The following AHCTF1 variants were observed in gnomAD, a reference collection of about 807,000 sequenced individuals.
AHCTF1 encodes the protein AT-hook containing transcription factor 1, also known as protein ELYS.
In AHCTF1, 24 loss-of-function variants were observed where a neutral mutation model predicts 248.4. That is an observed-to-expected ratio of 0.10 (90% CI 0.07 to 0.14). The LOEUF is 0.14. AHCTF1 is among the 10% of genes least tolerant of loss of function. The probability of loss-of-function intolerance (pLI) is 1.00; values close to 1 mark genes in which losing one functional copy is unlikely to be tolerated. For missense variants in AHCTF1, 2,206 were observed against 2,636.2 expected, an observed-to-expected ratio of 0.84 and a Z score of 3.57; for synonymous variants, 786 against 929.8, an observed-to-expected ratio of 0.85 and a Z score of 2.81.
chr1:246,861,324 A>C, intron 28 of AHCTF1, 29 bp from the exon 29 acceptor site: 3 of 1,557,196 alleles, frequency 1.9e-6, no homozygotes, highest in Non-Finnish European at 2.6e-6. Context: ...AAAAGAAAAA[A>C]ATTAGTAAAT....
intron 12 of AHCTF1, among the ~76,000 whole-genome samples, chr1:246,897,392 T>C (rs1664658615): frequency 1.3e-5 from 2 of 152,184 alleles, no homozygotes; most frequent in Admixed American, 6.5e-5. Context: ...TTGAAAGTTA[T>C]GTAGATATCA....
Position 246,905,637 on chromosome 1 carries a change from C to G in AHCTF1, c.785G>C (p.Ser262Thr), listed in dbSNP as rs1015121343. 6.2e-7 allele frequency: 1 copy of G among 1,612,614 alleles called. No individual in the cohort carries two copies. Among genetic ancestry groups the G allele is most frequent in the Non-Finnish European group, 8.5e-7 (1 of 1,179,058 alleles). Reference protein sequence around the residue: ...MKREYYIQLESGQVPVYAVTF... With the variant: ...MKREYYIQLETGQVPVYAVTF... ...GACAGCATATACAGGAACTTGTCCA[C>G]TTTCCAATTGTATGTAATATCTGAA... The change falls in exon 6 of 36, where the codon AGT becomes ACT. Residue 262 changes from serine to threonine, a missense_variant. Coordinates refer to ENST00000648844, the MANE Select transcript of AHCTF1 (RefSeq NM_001323342.2).
rs1334876995 is a variant in AHCTF1 at position 246,850,629 on chromosome 1, C to T, written c.5377G>A (p.Val1793Ile). 2.5e-6 allele frequency: 4 copies of T among 1,613,698 alleles called. No individual in the cohort carries two copies. Among genetic ancestry groups the T allele is most frequent in the Non-Finnish European group, 3.4e-6 (4 of 1,179,832 alleles). The stretch of plus-strand genomic sequence containing the variant: ...TGCTGGTTCTGAGATAGTCCTCTGA[C>T]ATCAGAATAGATGTTTTCAGAAGCT... ...SEASENIYSD[V>I]RGLSQNQQIP... is the part of the protein sequence containing the mutation. The change falls in exon 33 of 36, where the codon GTC becomes ATC. Residue 1793 changes from valine (V) to isoleucine (I), a missense_variant. Val to Ile is a conservative substitution (Grantham distance 29). This residue lies in a region of AHCTF1 where 955 missense variants were observed against 1,055.6 expected (regional missense o/e 0.90). Transcript: ENST00000648844.
At chr1:246,927,448 C>T (rs1281959915) in intron 1 of AHCTF1, among the ~76,000 whole-genome samples, 1 of 152,168 alleles carries the variant, frequency 6.6e-6, no homozygotes, top group Non-Finnish European at 1.5e-5. Flanking sequence ...GAGATGGTGC[C>T]ACTACACTCC....
At chr1:246,931,518 CA>C in intron 1 of AHCTF1, 59 bp downstream of exon 1, 1 of 411,434 alleles carries the variant, frequency 2.4e-6, no homozygotes, top group Non-Finnish European at 3.3e-6. Flanking sequence ...GCCGCGGGTC[CA>C]GGCCGCGCGA....
At chr1:246,894,769 G>A (rs1435885856) in intron 13 of AHCTF1, 21 bp from the exon 14 acceptor site, 6 of 1,592,188 alleles carry the variant, frequency 3.8e-6, no homozygotes, top group Non-Finnish European at 5.2e-6. Context: ...AATACAAAAG[G>A]GAAAAAATAA....
chr1:246,853,663 C>T (rs1452549023), intron 31 of AHCTF1, among the ~76,000 whole-genome samples: 2 of 149,520 alleles, frequency 1.3e-5, no homozygotes, highest in Admixed American at 1.3e-4. Context: ...ACATGAGGAA[C>T]ATGCAATCTG....
chr1:246,897,468 A>T (rs575874515), intron 12 of AHCTF1, among the ~76,000 whole-genome samples: 66 of 152,318 alleles, frequency 4.3e-4, no homozygotes, highest in African/African-American at 1.5e-3. Context: ...ATGGGGATAC[A>T]TTCCGATGAA....
intron 7 of AHCTF1, among the ~76,000 whole-genome samples, 187 bp downstream of exon 7, chr1:246,903,762 C>T (rs1453505412): frequency 1.3e-5 from 2 of 149,882 alleles, no homozygotes; most frequent in African/African-American, 4.9e-5. Flanking sequence ...TGCTTGAATC[C>T]GGGTGGCGGA....
chr1:246,931,173 C>A, intron 1 of AHCTF1: 2 of 1,550,392 alleles, frequency 1.3e-6, no homozygotes, highest in Middle Eastern at 1.7e-4. Flanking sequence ...CAACACAGGA[C>A]AGGCTCAGCA....
At chr1:246,907,165 T>C (rs1279382158) in intron 5 of AHCTF1, among the ~76,000 whole-genome samples, 1 of 152,212 alleles carries the variant, frequency 6.6e-6, no homozygotes, top group African/African-American at 2.4e-5. Flanking sequence ...CAGGCAACTA[T>C]AACACAATGG....
intron 1 of AHCTF1, among the ~76,000 whole-genome samples, chr1:246,930,808 G>A (rs1324469871): frequency 6.6e-6 from 1 of 152,098 alleles, no homozygotes. Context: ...GTTCTATGAA[G>A]AACCCAGTTC....
intron 4 of AHCTF1, among the ~76,000 whole-genome samples, chr1:246,910,933 T>C (rs1232495991): frequency 1.3e-5 from 2 of 152,254 alleles, no homozygotes; most frequent in African/African-American, 4.8e-5. Context: ...ATATTTATGC[T>C]GTATGTTTGG....
At chr1:246,868,969 T>TC (rs1662291019) in intron 24 of AHCTF1, among the ~76,000 whole-genome samples, 1 of 150,354 alleles carries the variant, frequency 6.7e-6, no homozygotes, top group Non-Finnish European at 1.5e-5. Flanking sequence ...CTCAGCCTGC[T>TC]GAGTAGCTGG....
At chr1:246,926,902 C>T (rs1482222856) in intron 1 of AHCTF1, among the ~76,000 whole-genome samples, 11 of 151,962 alleles carry the variant, frequency 7.2e-5, no homozygotes, top group South Asian at 2.1e-4. Flanking sequence ...GGCCGGGCCG[C>T]GGTGGCACAC....
chr1:246,899,420 T>C (rs1388240240), intron 11 of AHCTF1, 31 bp downstream of exon 11: 1 of 1,523,304 alleles, frequency 6.6e-7, no homozygotes, highest in Admixed American at 1.8e-5. Flanking sequence ...CTGACTTCAG[T>C]TCAATTAAGA....
chr1:246,922,558 C>T (rs529719084), intron 1 of AHCTF1, among the ~76,000 whole-genome samples: 4 of 150,032 alleles, frequency 2.7e-5, no homozygotes, highest in Non-Finnish European at 6.0e-5. Flanking sequence ...CCATGCCTGG[C>T]TAATTTTTTT....
At chr1:246,868,951 T>C (rs1429489472) in intron 24 of AHCTF1, among the ~76,000 whole-genome samples, 24 of 151,344 alleles carry the variant, frequency 1.6e-4, no homozygotes, top group Non-Finnish European at 2.7e-4. Context: ...TTCACGCCAT[T>C]CTCCTGCCTC....
chr1:246,857,748 T>C lies in AHCTF1; in HGVS notation c.4199A>G (p.His1400Arg). ...TTCAGTTCCTTGAACCGGGCTTAAG[T>C]GATTCAATTCTGAAAATGCCTCTGC... Reference protein sequence around the residue: ...VAAEAFSELNHLSPVQGTEAS... With the variant: ...VAAEAFSELNRLSPVQGTEAS... Residue 1400 changes from histidine to arginine, a missense_variant, in exon 30 of 36, where the codon CAC (histidine) becomes CGC (arginine). Coordinates refer to ENST00000648844, the MANE Select transcript of AHCTF1 (RefSeq NM_001323342.2). 1 of 1,614,038 alleles carries C rather than the reference T, an allele frequency of 6.2e-7. No individual in the cohort carries two copies. Among genetic ancestry groups the C allele is most frequent in the Non-Finnish European group, 8.5e-7 (1 of 1,179,950 alleles).
Sources: gnomAD v4.1 joint callset for allele counts (sites outside exome capture counted in the v4.1 genomes callset) on GRCh38, gnomAD v4.1.1 for gene constraint, gnomAD v4.1.1 regional missense constraint, MANE v1.5 for transcripts, NCBI Gene and HGNC (gene_info 2026-07-23, HGNC 2026-07-21) for gene names.